RBAK: variants seen among roughly 807,000 people sequenced by gnomAD.
The protein encoded by RBAK is RB associated KRAB zinc finger, also known as RB-associated KRAB zinc finger protein.
RBAK carries 39 observed loss-of-function variants against 65.8 expected under a neutral mutation model. The observed-to-expected ratio is 0.59, with a 90% CI of 0.46 to 0.77. The LOEUF (loss-of-function observed/expected upper bound fraction) is 0.77. Ranked by LOEUF, RBAK falls within the 30% of genes least tolerant of loss-of-function variation. RBAK has a pLI of 0.00. For missense variants in RBAK, 884 were observed against 855.1 expected, an observed-to-expected ratio of 1.03 and a Z score of -0.42; for synonymous variants, 343 against 289.7, an observed-to-expected ratio of 1.18 and a Z score of -1.87.
rs2115035762 is a variant in RBAK at position 5,057,125 on chromosome 7, G to A, written c.16-170G>A. 7.7e-6 allele frequency: 3 copies of A among 391,790 alleles called. No individual in the cohort carries two copies. In the East Asian group the frequency reaches 2.1e-4, roughly 27 times the overall value. 24.3% of individuals were successfully genotyped at this position (391,790 alleles called of 1,614,324 possible). A position where few individuals can be genotyped will look rare whatever the true frequency, so the allele number is the denominator to read the frequency against. On this transcript the variant is annotated intron_variant, in intron 2 of 4. Coordinates refer to ENST00000396912, the MANE Select transcript of RBAK (RefSeq NM_021163.4). ...ATATATTATATATTTTATATATTAT[G>A]TATTATAACCCCAAAGGATATGTGT...
At chr7:5,047,245 C>G (rs1788009159) in intron 1 of RBAK, among the ~76,000 whole-genome samples, 1 of 152,028 alleles carries the variant, frequency 6.6e-6, no homozygotes, top group Admixed American at 6.5e-5. Context: ...ACAAAAAATA[C>G]AAAAGTAGCC....
chr7:5,065,376 C>T lies in RBAK; in HGVS notation c.1920C>T (p.Val640=), dbSNP rs1276672290. 1 of 1,612,104 alleles carries T rather than the reference C, an allele frequency of 6.2e-7. No homozygotes were observed. Among genetic ancestry groups the T allele is most frequent in the Non-Finnish European group, 8.5e-7 (1 of 1,179,212 alleles). The part of the protein sequence containing the change: ...KVFSRMSNLT[V]HYRSHSGEKP... Reference sequence around the variant, plus strand: ...TCTCTCGGATGTCAAACCTCACTGTCCACTACAGAAGCCATTCAGGAGAGA... The same window carrying T: ...TCTCTCGGATGTCAAACCTCACTGTTCACTACAGAAGCCATTCAGGAGAGA... The change falls in exon 5 of 5, where the codon GTC becomes GTT. Residue 640 remains valine, a synonymous_variant. Transcript: ENST00000396912. The surrounding 1 kb of genome is among the most constrained non-coding windows in gnomAD (Gnocchi z 5.3).
rs188073913 is a variant in RBAK at position 5,068,564 on chromosome 7, A to G, written c.*2963A>G. 3 of 152,376 alleles carry G rather than the reference A, an allele frequency of 2.0e-5. No individual in the cohort carries two copies. Among genetic ancestry groups the G allele is most frequent in the East Asian group, 3.9e-4 (2 of 5,194 alleles). 9.4% of individuals were successfully genotyped at this position (152,376 alleles called of 1,614,324 possible). A position where few individuals can be genotyped will look rare whatever the true frequency, so the allele number is the denominator to read the frequency against. On this transcript the variant is annotated 3_prime_UTR_variant, in exon 5 of 5. Transcript: ENST00000396912. ...AAATGGTTAAAATGAAAAGCATGAA[A>G]AAGCATCACGTTTTGGCAAGGATGT...
intron 2 of RBAK, among the ~76,000 whole-genome samples, chr7:5,054,950 G>T (rs58877720): frequency 0.043 from 6,496 of 151,402 alleles, 499 homozygotes; most frequent in African/African-American, 0.15. Flanking sequence ...TTTTTTGTTT[G>T]TTTGTTTTTT....
At position 5,045,924 on chromosome 7, in the gene RBAK, A is replaced by G. The variant is rs1787965247; in HGVS notation, c.-517A>G. The G allele has an allele frequency of 2.9e-6, 1 of 346,482 alleles. No individual in the cohort carries two copies. Among genetic ancestry groups the G allele is most frequent in the Non-Finnish European group, 5.5e-6 (1 of 181,602 alleles). 21.5% of individuals were successfully genotyped at this position (346,482 alleles called of 1,614,324 possible). Reference sequence around the variant, plus strand: ...CTCTAGTTCCCAGGCTTTGGCCTCCAGTGGACGAGAATCGCGGAGCCTGCG... The same window carrying G: ...CTCTAGTTCCCAGGCTTTGGCCTCCGGTGGACGAGAATCGCGGAGCCTGCG... On this transcript the variant is annotated 5_prime_UTR_variant, in exon 1 of 5. Coordinates refer to ENST00000396912, the MANE Select transcript of RBAK (RefSeq NM_021163.4).
intron 1 of RBAK, among the ~76,000 whole-genome samples, chr7:5,046,938 C>G (rs1356524334): frequency 6.6e-6 from 1 of 152,166 alleles, no homozygotes; most frequent in Non-Finnish European, 1.5e-5. Flanking sequence ...TGTTCTTTCT[C>G]CCGTATCCTA....
intron 2 of RBAK, among the ~76,000 whole-genome samples, chr7:5,049,701 TG>T (rs1237226306): frequency 6.6e-6 from 1 of 152,044 alleles, no homozygotes; most frequent in Non-Finnish European, 1.5e-5. Flanking sequence ...TGATGAAGTC[TG>T]TTTTGTTTTG....
intron 2 of RBAK, among the ~76,000 whole-genome samples, chr7:5,056,253 G>A (rs1460822494): frequency 4.0e-5 from 6 of 151,816 alleles, no homozygotes; most frequent in African/African-American, 7.3e-5. Flanking sequence ...AACTACAGGC[G>A]TGTGCCATGA....
chr7:5,046,391 A>C lies in RBAK; in HGVS notation c.-50A>C, dbSNP rs751110403. On this transcript the variant is annotated 5_prime_UTR_variant, in exon 1 of 5. Coordinates refer to ENST00000396912, the MANE Select transcript of RBAK (RefSeq NM_021163.4). ...CGTGGGGCAGAGGCTGCGGAGCCCC[A>C]GAAGGGTAGGTCTTGGGTTTTCGGG... 5.8e-6 allele frequency: 3 copies of C among 515,626 alleles called. No homozygotes were observed. The highest frequency in any genetic ancestry group is 1.2e-5 in the Non-Finnish European group (3 of 259,200). The allele number at this position is 515,626 out of a possible 1,614,324, so 31.9% of individuals were successfully genotyped here. A position where few individuals can be genotyped will look rare whatever the true frequency, so the allele number is the denominator to read the frequency against.
At position 5,064,607 on chromosome 7, in the gene RBAK, G is replaced by A. The variant is rs1026909212; in HGVS notation, c.1151G>A (p.Arg384His). 42 of 1,613,548 alleles carry A rather than the reference G, an allele frequency of 2.6e-5. No individual in the cohort carries two copies. Among genetic ancestry groups the A allele is most frequent in the Non-Finnish European group, 3.4e-5 (40 of 1,179,802 alleles). ...PCNECGKSFS[R>H]KSALSDHQRT... ...AACGAATGTGGGAAATCCTTCTCCCGCAAGTCTGCTCTCAGTGACCATCAG... is the reference window on the plus strand; with the variant it reads ...AACGAATGTGGGAAATCCTTCTCCCACAAGTCTGCTCTCAGTGACCATCAG... Residue 384 changes from arginine (R) to histidine (H), a missense_variant, in exon 5 of 5, where the codon CGC becomes CAC. Physicochemically the swap from Arg to His is conservative, Grantham distance 29 (BLOSUM62 0). Transcript: ENST00000396912. The surrounding 1 kb of genome is among the most constrained non-coding windows in gnomAD (Gnocchi z 6.3).
At position 5,066,939 on chromosome 7, in the gene RBAK, A is replaced by AG. The variant is rs1422826796; in HGVS notation, c.*1339dup. 6.6e-6 allele frequency: 1 copy of AG among 152,198 alleles called. No individual in the cohort carries two copies. The highest frequency in any genetic ancestry group is 1.5e-5 in the Non-Finnish European group (1 of 68,004). The allele number at this position is 152,198 out of a possible 1,614,324, so 9.4% of individuals were successfully genotyped here. A position where few individuals can be genotyped will look rare whatever the true frequency, so the allele number is the denominator to read the frequency against. ...AAAGGTGGCTTAATATTCACAAGTC[A>AG]GTTGCTATTATACACCACCTGTAGA... On this transcript the variant is annotated 3_prime_UTR_variant, in exon 5 of 5. Coordinates refer to ENST00000396912, the MANE Select transcript of RBAK (RefSeq NM_021163.4).
At chr7:5,052,050 A>G (rs1401266137) in intron 2 of RBAK, among the ~76,000 whole-genome samples, 6 of 152,132 alleles carry the variant, frequency 3.9e-5, no homozygotes, top group Non-Finnish European at 8.8e-5. Flanking sequence ...TGCTTTATGT[A>G]TTATATTAGA....
intron 4 of RBAK, among the ~76,000 whole-genome samples, chr7:5,059,438 A>C (rs75547560): frequency 0.096 from 14,610 of 151,944 alleles, 1,089 homozygotes; most frequent in East Asian, 0.4. Flanking sequence ...CCCCTGCCTC[A>C]GCCTCCCAAA....
In RBAK at chr7:5,058,491, C is replaced by G. The variant is rs1778982835; in HGVS notation, c.238+712C>G. On this transcript the variant is annotated intron_variant, in intron 4 of 4. Transcript: ENST00000396912. Reference sequence around the variant, plus strand: ...TTCCTTGCTTTAAAAATACCTTGGACTTATTTTCTGCCCTCGATTTTATTT... The same window carrying G: ...TTCCTTGCTTTAAAAATACCTTGGAGTTATTTTCTGCCCTCGATTTTATTT... 2.0e-5 allele frequency among the ~76,000 whole-genome samples: 3 copies of G among 152,170 alleles called. No individual in the cohort carries two copies. In the South Asian group the frequency reaches 6.2e-4, roughly 32 times the overall value.
At chr7:5,059,689 C>G (rs947325552) in intron 4 of RBAK, among the ~76,000 whole-genome samples, 1 of 152,186 alleles carries the variant, frequency 6.6e-6, no homozygotes, top group African/African-American at 2.4e-5. Context: ...CTTTCCTTCT[C>G]TTAATATCTA....
chr7:5,062,305 G>A (rs1229238738), intron 4 of RBAK, among the ~76,000 whole-genome samples: 4 of 152,198 alleles, frequency 2.6e-5, no homozygotes, highest in Non-Finnish European at 5.9e-5. Context: ...TAAAGGAACA[G>A]AGTACAGAAG....
intron 2 of RBAK, among the ~76,000 whole-genome samples, chr7:5,049,019 G>C (rs1371249773): frequency 1.3e-5 from 2 of 152,166 alleles, no homozygotes; most frequent in Non-Finnish European, 2.9e-5. Context: ...ATGAGATTTG[G>C]TTGGCGACAC....
rs1266892341 is a variant in RBAK, at chr7:5,048,465, C to T, written c.15+374C>T. On this transcript the variant is annotated intron_variant, in intron 2 of 4. Transcript: ENST00000396912. This position sits in a 1 kb window ranked among gnomAD's most constrained non-coding sequence, Gnocchi z 4.4. ...CTGGGATTACAGGCATGAGCCACCG[C>T]GCCCAGCCAGGATTCATACTTTAAA... 1.4e-4 allele frequency among the ~76,000 whole-genome samples: 22 copies of T among 152,224 alleles called. No individual in the cohort carries two copies. The highest frequency in any genetic ancestry group is 2.6e-4 in the Admixed American group (4 of 15,282).
chr7:5,047,851 A>T (rs1242172666), intron 1 of RBAK, among the ~76,000 whole-genome samples, 182 bp from the exon 2 acceptor site: 2 of 151,158 alleles, frequency 1.3e-5, no homozygotes, highest in Non-Finnish European at 2.9e-5. Context: ...AGAATTCGAG[A>T]CCAGCCTGGC....
Sources: gnomAD v4.1 joint callset for allele counts (sites outside exome capture counted in the v4.1 genomes callset) on GRCh38, gnomAD v4.1.1 for gene constraint, Gnocchi (gnomAD v3.1) non-coding constraint, MANE v1.5 for transcripts, NCBI Gene and HGNC (gene_info 2026-07-23, HGNC 2026-07-21) for gene names.